The following NRDC variants were observed in gnomAD, a reference collection of about 807,000 sequenced individuals.
NRDC encodes nardilysin convertase, also known as nardilysin.
In NRDC, 54 loss-of-function variants were observed where a neutral mutation model predicts 147.1. The observed-to-expected ratio is 0.37, with a 90% CI of 0.29 to 0.46. The LOEUF (loss-of-function observed/expected upper bound fraction) is 0.46, where lower values mean the gene tolerates loss of function less well. NRDC is among the 20% of genes least tolerant of loss of function. The probability of loss-of-function intolerance (pLI) is 1.00; values close to 1 mark genes in which losing one functional copy is unlikely to be tolerated. For missense variants in NRDC, 1,082 were observed against 1,370.6 expected, an observed-to-expected ratio of 0.79 and a Z score of 3.33; for synonymous variants, 440 against 482.1, an observed-to-expected ratio of 0.91 and a Z score of 1.14.
In NRDC at chr1:51,790,983, C is replaced by A. The variant is rs1399982834; in HGVS notation, c.2968G>T (p.Val990Phe). 1 of 1,609,956 alleles carries A rather than the reference C, an allele frequency of 6.2e-7. No homozygotes were observed. Among genetic ancestry groups the A allele is most frequent in the Non-Finnish European group, 8.5e-7 (1 of 1,177,254 alleles). Residue 990 changes from valine to phenylalanine, a missense_variant, in exon 28 of 31, where the codon GTT becomes TTT. Around this residue, in one of 3 missense-constraint regions of NRDC, gnomAD observed 187 missense variants for 193.6 expected, o/e 0.97. Coordinates refer to ENST00000352171, the MANE Select transcript of NRDC (RefSeq NM_001101662.2). ...GTQATKYNSE[V>F]VDKKIEEFLS... ...AACTCTTCTATCTTCTTATCAACAA[C>A]TTCAGAACTGAAACAAAACATCTTC...
chr1:51,836,427 A>G, intron 2 of NRDC: 1 of 1,613,864 alleles, frequency 6.2e-7, no homozygotes, highest in Non-Finnish European at 8.5e-7. Flanking sequence ...CAAATGCTGA[A>G]CAGGTGCAGA....
chr1:51,791,771 G>C, intron 26 of NRDC, 110 bp from the exon 27 acceptor site: 1 of 902,966 alleles, frequency 1.1e-6, no homozygotes, highest in Non-Finnish European at 1.7e-6. Context: ...ATTGGAACTG[G>C]AAGTCCTGAA....
Position 51,823,179 on chromosome 1 carries a change from G to A in NRDC, c.1159+485C>T, listed in dbSNP as rs376116583. 5.9e-5 allele frequency among the ~76,000 whole-genome samples: 9 copies of A among 152,194 alleles called. 1 individual carries two copies. Among genetic ancestry groups the A allele is most frequent in the African/African-American group, 2.2e-4 (9 of 41,522 alleles). On this transcript the variant is annotated intron_variant, in intron 7 of 30. Coordinates refer to ENST00000352171, the MANE Select transcript of NRDC (RefSeq NM_001101662.2). Reference sequence around the variant, plus strand: ...CATTTAAGATAGTTCTGCCATAGAGGTATTCATCAGTATTTTATATTTAAG... The same window carrying A: ...CATTTAAGATAGTTCTGCCATAGAGATATTCATCAGTATTTTATATTTAAG...
chr1:51,829,008 AT>A (rs1680582077), intron 4 of NRDC, among the ~76,000 whole-genome samples: 1 of 151,842 alleles, frequency 6.6e-6, no homozygotes, highest in Non-Finnish European at 1.5e-5. Context: ...ATATTGGGGC[AT>A]TTTTTTTCTT....
At chr1:51,862,087 A>G (rs950579191) in intron 1 of NRDC, 1 of 152,218 alleles carries the variant, frequency 6.6e-6, no homozygotes, top group Non-Finnish European at 1.5e-5. Flanking sequence ...ACTTTGGACC[A>G]TGGAGTTCAT....
At chr1:51,817,963 C>G (rs950717933) in intron 10 of NRDC, 103 bp downstream of exon 10, 4 of 786,560 alleles carry the variant, frequency 5.1e-6, no homozygotes, top group Non-Finnish European at 8.4e-6. Flanking sequence ...TACCGTATTG[C>G]TATGTTTATA....
At chr1:51,834,498 T>G (rs112409943) in intron 3 of NRDC, among the ~76,000 whole-genome samples, 2,305 of 152,136 alleles carry the variant, frequency 0.015, 62 homozygotes, top group African/African-American at 0.053. Flanking sequence ...GTATTTTTAG[T>G]AGAGATGGGG....
chr1:51,846,053 G>A (rs1164869702), intron 1 of NRDC, among the ~76,000 whole-genome samples: 1 of 151,678 alleles, frequency 6.6e-6, no homozygotes, highest in Admixed American at 6.6e-5. Flanking sequence ...CAAATGGAAT[G>A]GTAATGTATA....
chr1:51,828,925 G>A (rs1207674424), intron 4 of NRDC, among the ~76,000 whole-genome samples: 1 of 151,616 alleles, frequency 6.6e-6, no homozygotes, highest in East Asian at 1.9e-4. Context: ...TCCCTATATT[G>A]CTCAGGCTTC....
chr1:51,866,197 G>A (rs891371788), intron 1 of NRDC, among the ~76,000 whole-genome samples: 2 of 152,024 alleles, frequency 1.3e-5, no homozygotes, highest in African/African-American at 4.8e-5. Context: ...ACTCCAGCCT[G>A]GATAACAGAG....
intron 1 of NRDC, among the ~76,000 whole-genome samples, chr1:51,872,485 T>C (rs7519297): frequency 0.045 from 6,871 of 152,144 alleles, 499 homozygotes; most frequent in African/African-American, 0.16. Context: ...GGTGGGCTGA[T>C]TGAGCTCAGG....
intron 2 of NRDC, among the ~76,000 whole-genome samples, chr1:51,839,661 T>A (rs1681167967): frequency 6.6e-6 from 1 of 152,202 alleles, no homozygotes; most frequent in African/African-American, 2.4e-5. Flanking sequence ...AGTTTCTATT[T>A]CAACTCTTCC....
intron 1 of NRDC, among the ~76,000 whole-genome samples, chr1:51,857,506 A>G (rs1571911851): frequency 6.6e-6 from 1 of 152,328 alleles, no homozygotes; most frequent in African/African-American, 2.4e-5. Context: ...GCCCAGGAGC[A>G]TGGAGTGACC....
At chr1:51,796,300 G>A (rs981607046) in intron 22 of NRDC, among the ~76,000 whole-genome samples, 8 of 147,242 alleles carry the variant, frequency 5.4e-5, no homozygotes, top group Non-Finnish European at 9.0e-5. Context: ...GTGCAGTGGC[G>A]TGATCTCGGC....
chr1:51,791,299 A>G (rs927689116), intron 27 of NRDC, among the ~76,000 whole-genome samples: 2 of 152,180 alleles, frequency 1.3e-5, no homozygotes, highest in Admixed American at 6.5e-5. Context: ...CAGATCAGGC[A>G]TCCTTTCCCT....
intron 1 of NRDC, among the ~76,000 whole-genome samples, chr1:51,871,773 T>C (rs1213845157): frequency 1.3e-5 from 2 of 152,192 alleles, no homozygotes; most frequent in African/African-American, 2.4e-5. Context: ...TCAGTTTCAG[T>C]ATCTGCTCCC....
intron 1 of NRDC, among the ~76,000 whole-genome samples, chr1:51,846,016 C>A (rs1681551108): frequency 6.6e-6 from 1 of 151,404 alleles, no homozygotes; most frequent in Non-Finnish European, 1.5e-5. Flanking sequence ...TATAAAGTTA[C>A]AACAACAGAA....
intron 1 of NRDC, among the ~76,000 whole-genome samples, chr1:51,871,739 A>G (rs1355329997): frequency 1.3e-5 from 2 of 152,124 alleles, no homozygotes; most frequent in Non-Finnish European, 2.9e-5. Context: ...TCCCTATTCT[A>G]GCACCTATTA....
chr1:51,842,370 T>C (rs1434498453), intron 1 of NRDC, among the ~76,000 whole-genome samples: 1 of 151,954 alleles, frequency 6.6e-6, no homozygotes, highest in African/African-American at 2.4e-5. Context: ...ACCACAGACC[T>C]ATAAACATGT....
Sources: allele counts gnomAD v4.1 joint callset (sites outside exome capture counted in the v4.1 genomes callset), GRCh38; gene constraint gnomAD v4.1.1; regional missense constraint gnomAD v4.1.1; transcripts MANE v1.5; gene names NCBI Gene and HGNC (gene_info 2026-07-23, HGNC 2026-07-21).